Variants in NBAS observed in about 807,000 individuals in gnomAD.
NBAS encodes NBAS subunit of NRZ tethering complex, also known as NAG/BC035112 fusion.
NBAS carries 219 observed loss-of-function variants against 302.5 expected under a neutral mutation model. That is an observed-to-expected ratio of 0.72 (90% confidence interval 0.65 to 0.81). The LOEUF is 0.81. NBAS is among the 30% of genes least tolerant of loss of function. The pLI is 0.00. For missense variants in NBAS, 2,932 were observed against 2,841.6 expected (o/e 1.03, Z -0.72); for synonymous variants, 1,118 against 1,021.6 (o/e 1.09, Z -1.80).
At chr2:15,539,504 G>A in intron 6 of NBAS, 148 bp from the exon 7 acceptor site, 1 of 1,008,076 alleles carries the variant, frequency 9.9e-7, no homozygotes. Context: ...CAATAAAAAA[G>A]AGCAGTTTCC....
chr2:14,842,169 G>A, the NBAS span, among the ~76,000 whole-genome samples: 6 of 151,742 alleles, frequency 4.0e-5, no homozygotes, highest in East Asian at 1.2e-3. Context: ...AAAAGTCTTG[G>A]AAAACAACAA....
At chr2:14,779,055 A>T in the NBAS span, among the ~76,000 whole-genome samples, 11 of 152,316 alleles carry the variant, frequency 7.2e-5, no homozygotes, top group Middle Eastern at 6.8e-3. Flanking sequence ...AGACGCTTTG[A>T]TCTTTGATTT....
intron 35 of NBAS, among the ~76,000 whole-genome samples, chr2:15,338,666 C>CAT (rs1553375218): frequency 8.4e-6 from 1 of 119,264 alleles, no homozygotes; most frequent in Non-Finnish European, 1.8e-5. Flanking sequence ...TGAATACAAA[C>CAT]ACACACATAC....
At chr2:15,394,500 CA>C (rs1213198924) in intron 27 of NBAS, 151 bp from the exon 28 acceptor site, 44 of 738,696 alleles carry the variant, frequency 6.0e-5, no homozygotes, top group Non-Finnish European at 9.0e-5. Context: ...TGATTCTCAG[CA>C]AAAAAGAAAA....
intron 44 of NBAS, among the ~76,000 whole-genome samples, chr2:15,247,706 A>ATATGTACCTCTATC: frequency 1.1e-5 from 1 of 90,954 alleles, no homozygotes; most frequent in East Asian, 2.5e-4. Context: ...ATATCTCTCT[A>ATATGTACCTCTATC]TATATATCTA....
At chr2:15,465,607 A>C (rs189167472) in intron 19 of NBAS, among the ~76,000 whole-genome samples, 1 of 152,340 alleles carries the variant, frequency 6.6e-6, no homozygotes, top group Admixed American at 6.5e-5. Context: ...GCCTATCTCT[A>C]CTACTATCTA....
intron 21 of NBAS, among the ~76,000 whole-genome samples, chr2:15,448,242 G>A (rs1217251500): frequency 1.3e-5 from 2 of 152,064 alleles, no homozygotes; most frequent in African/African-American, 4.8e-5. Context: ...AAAATTAAAA[G>A]ACATCTATAA....
intron 22 of NBAS, among the ~76,000 whole-genome samples, chr2:15,426,045 C>T (rs988683738): frequency 6.6e-6 from 1 of 152,176 alleles, no homozygotes; most frequent in Non-Finnish European, 1.5e-5. Flanking sequence ...CCCCAGTCTC[C>T]TCTTCAACTC....
intron 32 of NBAS, among the ~76,000 whole-genome samples, chr2:15,361,437 CG>C (rs1673919677): frequency 6.6e-6 from 1 of 151,804 alleles, no homozygotes; most frequent in Non-Finnish European, 1.5e-5. Context: ...AATTTGAACC[CG>C]GGAGGCAGAG....
chr2:14,962,343 G>A, the NBAS span, among the ~76,000 whole-genome samples: 3 of 152,248 alleles, frequency 2.0e-5, no homozygotes, highest in Admixed American at 2.0e-4. Flanking sequence ...ACTGTAATTG[G>A]TTCAATTGCT....
At chr2:15,506,865 G>T (rs944216289) in intron 10 of NBAS, among the ~76,000 whole-genome samples, 6 of 152,106 alleles carry the variant, frequency 3.9e-5, no homozygotes, top group Non-Finnish European at 8.8e-5. Context: ...GAAAGAATAC[G>T]AAGAAAACAA....
chr2:15,250,711 C>G (rs189108805), intron 44 of NBAS, among the ~76,000 whole-genome samples: 1 of 152,180 alleles, frequency 6.6e-6, no homozygotes, highest in Non-Finnish European at 1.5e-5. Context: ...ATGAAAAAAG[C>G]TCATCATCAC....
the NBAS span, among the ~76,000 whole-genome samples, chr2:14,931,629 G>A: frequency 1.3e-5 from 2 of 152,212 alleles, no homozygotes; most frequent in African/African-American, 2.4e-5. Context: ...AAAGGACACT[G>A]CATAGCTATG....
chr2:15,449,514 T>C (rs1364841054), intron 21 of NBAS, among the ~76,000 whole-genome samples: 2 of 152,202 alleles, frequency 1.3e-5, no homozygotes, highest in African/African-American at 4.8e-5. Context: ...AATGTCAACA[T>C]ACTTCCAAGG....
chr2:14,885,152 A>G, the NBAS span, among the ~76,000 whole-genome samples: 1 of 152,212 alleles, frequency 6.6e-6, no homozygotes, highest in Non-Finnish European at 1.5e-5. Flanking sequence ...TACTCTTACT[A>G]CTATGTAGAG....
At chr2:15,197,330 C>A (rs1482487477) in intron 48 of NBAS, among the ~76,000 whole-genome samples, 1 of 152,220 alleles carries the variant, frequency 6.6e-6, no homozygotes, top group East Asian at 1.9e-4. Context: ...CATCTGCTCA[C>A]TACCCCTTGC....
At chr2:15,206,680 C>T (rs1666161658) in intron 48 of NBAS, among the ~76,000 whole-genome samples, 1 of 152,218 alleles carries the variant, frequency 6.6e-6, no homozygotes, top group South Asian at 2.1e-4. Context: ...CACTCAGGCT[C>T]CAGCTGTGGC....
the NBAS span, among the ~76,000 whole-genome samples, chr2:14,847,082 C>T: frequency 1.3e-5 from 2 of 151,984 alleles, no homozygotes; most frequent in South Asian, 4.2e-4. Context: ...CACACTTCAC[C>T]TATAAAGACA....
intron 31 of NBAS, among the ~76,000 whole-genome samples, chr2:15,371,036 C>T (rs1306804096): frequency 6.6e-6 from 1 of 151,992 alleles, no homozygotes; most frequent in Non-Finnish European, 1.5e-5. Context: ...AATTGCAATC[C>T]CCAGGTGTTG....
Sources: allele counts gnomAD v4.1 joint callset (sites outside exome capture counted in the v4.1 genomes callset), GRCh38; gene constraint gnomAD v4.1.1; transcripts MANE v1.5; gene names NCBI Gene and HGNC (gene_info 2026-07-23, HGNC 2026-07-21).